Variants in NR5A2 observed in about 807,000 individuals in gnomAD.
NR5A2 encodes CYP7A promoter-binding factor.
A neutral mutation model predicts 62.7 loss-of-function variants in NR5A2; 26 were observed. The observed-to-expected ratio is 0.41, with a 90% CI of 0.30 to 0.58. The LOEUF (loss-of-function observed/expected upper bound fraction) is 0.58. NR5A2 is among the 20% of genes least tolerant of loss of function. The pLI, the probability that NR5A2 is intolerant of heterozygous loss-of-function variation, is 0.22. For synonymous variants in NR5A2, 246 were observed against 241.7 expected, an observed-to-expected ratio of 1.02 and a Z score of -0.16; for missense variants, 541 against 669.1, an observed-to-expected ratio of 0.81 and a Z score of 2.11.
intron 1 of NR5A2, among the ~76,000 whole-genome samples, chr1:200,037,418 G>A (rs1259394592): frequency 6.6e-6 from 1 of 152,184 alleles, no homozygotes; most frequent in Non-Finnish European, 1.5e-5. Flanking sequence ...CTAGGGTCTG[G>A]GAAAGGTGCT....
intron 5 of NR5A2, among the ~76,000 whole-genome samples, chr1:200,066,588 C>CTTTTCTTTTT (rs1553267898): frequency 3.5e-5 from 4 of 113,156 alleles, no homozygotes; most frequent in African/African-American, 1.6e-4. Flanking sequence ...AATTAATTAT[C>CTTTTCTTTTT]TTTTTTTTTT....
At chr1:200,043,595 A>G (rs1329775332) in intron 2 of NR5A2, among the ~76,000 whole-genome samples, 179 bp from the exon 3 acceptor site, 2 of 152,234 alleles carry the variant, frequency 1.3e-5, no homozygotes, top group Non-Finnish European at 2.9e-5. Flanking sequence ...ATGCTTATTG[A>G]TGACAAAAGA....
intron 5 of NR5A2, among the ~76,000 whole-genome samples, chr1:200,085,639 C>A (rs1664485353): frequency 1.4e-5 from 2 of 143,290 alleles, no homozygotes; most frequent in African/African-American, 2.6e-5. Flanking sequence ...GTGTCTAGAG[C>A]ACAACAGAAT....
At chr1:200,068,676 G>T (rs1663609049) in intron 5 of NR5A2, among the ~76,000 whole-genome samples, 1 of 152,160 alleles carries the variant, frequency 6.6e-6, no homozygotes, top group Admixed American at 6.5e-5. Flanking sequence ...CATACACATT[G>T]CTTGAGTCCC....
At chr1:200,101,285 C>CAGCA (rs1162206870) in intron 5 of NR5A2, among the ~76,000 whole-genome samples, 3 of 152,066 alleles carry the variant, frequency 2.0e-5, no homozygotes, top group African/African-American at 7.2e-5. Flanking sequence ...GTCCCCAGCA[C>CAGCA]TAATATATGT....
At position 200,107,995 on chromosome 1, in the gene NR5A2, T is replaced by C. The variant is rs576581154; in HGVS notation, c.1111-3207T>C. ...GGCAAGGTCTTGTTACCGTAACTAT[T>C]TCTGTCAAGTTATATATGAAGGACA... On this transcript the variant is annotated intron_variant, in intron 5 of 7. Transcript: ENST00000367362. Among the ~76,000 whole-genome samples, 6 of 152,220 alleles carry C rather than the reference T, an allele frequency of 3.9e-5. No individual in the cohort carries two copies. The Middle Eastern group carries it at 0.01, about 259-fold the overall frequency.
intron 7 of NR5A2, among the ~76,000 whole-genome samples, chr1:200,155,320 TAAG>T (rs1467347186): frequency 2.6e-5 from 4 of 152,240 alleles, no homozygotes. Flanking sequence ...GCACATTCAT[TAAG>T]TTTAAAATGA....
chr1:200,088,505 C>A (rs113243989), intron 5 of NR5A2, among the ~76,000 whole-genome samples: 1 of 152,024 alleles, frequency 6.6e-6, no homozygotes, highest in East Asian at 1.9e-4. Context: ...GATCTGCCCA[C>A]GTCGGCCTCC....
At chr1:200,099,258 G>A (rs1414551231) in intron 5 of NR5A2, among the ~76,000 whole-genome samples, 5 of 151,966 alleles carry the variant, frequency 3.3e-5, no homozygotes, top group Non-Finnish European at 5.9e-5. Context: ...TAGGCCACTC[G>A]AATTCTTTTC....
intron 7 of NR5A2, among the ~76,000 whole-genome samples, chr1:200,163,694 G>A (rs907308962): frequency 3.9e-4 from 60 of 152,214 alleles, no homozygotes; most frequent in African/African-American, 1.4e-3. Context: ...TGGCCAGGCT[G>A]GTCTTGAACT....
chr1:200,162,706 CG>C (rs758147190), intron 7 of NR5A2, among the ~76,000 whole-genome samples: 3 of 151,934 alleles, frequency 2.0e-5, no homozygotes, highest in Admixed American at 1.3e-4. Flanking sequence ...GGCAGCAACT[CG>C]GTGATGGCTG....
intron 5 of NR5A2, among the ~76,000 whole-genome samples, chr1:200,097,397 C>T (rs530368292): frequency 6.6e-6 from 1 of 152,308 alleles, no homozygotes; most frequent in South Asian, 2.1e-4. Context: ...CGTCACTCAC[C>T]TCTGTTAGAA....
At chr1:200,123,853 G>A (rs1255632417) in intron 7 of NR5A2, among the ~76,000 whole-genome samples, 1 of 150,180 alleles carries the variant, frequency 6.7e-6, no homozygotes, top group Non-Finnish European at 1.5e-5. Flanking sequence ...CCAGGCGGGA[G>A]TGCAATGGCA....
chr1:200,047,876 C>T (rs939080597), intron 4 of NR5A2, among the ~76,000 whole-genome samples: 4 of 152,128 alleles, frequency 2.6e-5, no homozygotes, highest in Admixed American at 6.5e-5. Context: ...CCGCACCACG[C>T]CTATGTGAAA....
At position 200,039,608 on chromosome 1, in the gene NR5A2, C is replaced by T. The variant is rs1216006224; in HGVS notation, c.65-50C>T. 2.5e-6 allele frequency: 4 copies of T among 1,606,236 alleles called. No homozygotes were observed. The highest frequency in any genetic ancestry group is 3.4e-6 in the Non-Finnish European group (4 of 1,176,922). Reference sequence around the variant, plus strand: ...GGGTTGGGTTAGCAGGCATCCCGGTCGCCCCTTCCTTCTTTTCGCCGGAGT... The same window carrying T: ...GGGTTGGGTTAGCAGGCATCCCGGTTGCCCCTTCCTTCTTTTCGCCGGAGT... On this transcript the variant is annotated intron_variant, in intron 1 of 7. Transcript: ENST00000367362. The surrounding 1 kb of genome is among the most constrained non-coding windows in gnomAD (Gnocchi z 5.1).
chr1:200,071,033 C>T (rs762179603), intron 5 of NR5A2, among the ~76,000 whole-genome samples: 109 of 152,250 alleles, frequency 7.2e-4, no homozygotes, highest in African/African-American at 2.2e-3. Context: ...CAGATATATA[C>T]GTCCTTTTAC....
rs1197426923 is a variant in NR5A2, at chr1:200,039,476, T to A, written c.65-182T>A. ...CTCGCCTCCTTTTTTAACCCTGACC[T>A]CCTCCTCGCAGCTTGGGGGCGGCTC... On this transcript the variant is annotated intron_variant, in intron 1 of 7. Coordinates refer to ENST00000367362, the MANE Select transcript of NR5A2 (RefSeq NM_205860.3). This position sits in a 1 kb window ranked among gnomAD's most constrained non-coding sequence, Gnocchi z 5.1. Among the ~76,000 whole-genome samples, 4 of 151,808 alleles carry A rather than the reference T, an allele frequency of 2.6e-5. No homozygotes were observed. Among genetic ancestry groups the A allele is most frequent in the East Asian group, 2.0e-4 (1 of 5,076 alleles).
At chr1:200,028,416 C>T (rs1160910517) in intron 1 of NR5A2, among the ~76,000 whole-genome samples, 3 of 139,978 alleles carry the variant, frequency 2.1e-5, no homozygotes, top group South Asian at 2.2e-4. Flanking sequence ...AAAGTCATGC[C>T]CCCACCTCCA....
chr1:200,052,409 C>T (rs953832106), intron 5 of NR5A2, among the ~76,000 whole-genome samples: 8 of 152,194 alleles, frequency 5.3e-5, no homozygotes, highest in South Asian at 2.1e-4. Context: ...TAGTCTCAAA[C>T]TCCTAGGCTC....
Sources: gnomAD v4.1 joint callset for allele counts (sites outside exome capture counted in the v4.1 genomes callset) on GRCh38, gnomAD v4.1.1 for gene constraint, Gnocchi (gnomAD v3.1) non-coding constraint, MANE v1.5 for transcripts, NCBI Gene and HGNC (gene_info 2026-07-23, HGNC 2026-07-21) for gene names.